The following TACC1 variants were observed in gnomAD, a reference collection of about 807,000 sequenced individuals.
The protein encoded by TACC1 is transforming acidic coiled-coil containing protein 1.
Under a neutral mutation model 84.4 loss-of-function variants are expected in TACC1, and 48 were observed. That is an observed-to-expected ratio of 0.57 (90% confidence interval 0.45 to 0.72). The LOEUF (loss-of-function observed/expected upper bound fraction) is 0.72. Among genes scored for constraint, TACC1 ranks in the 30% least tolerant of loss-of-function variants. The probability of loss-of-function intolerance (pLI) is 0.00; values close to 1 mark genes in which losing one functional copy is unlikely to be tolerated. For missense variants in TACC1, 920 were observed against 973.0 expected (o/e 0.95, Z 0.72); for synonymous variants, 372 against 376.3 (o/e 0.99, Z 0.13).
upstream of TACC1, chr8:38,787,227 G>C (rs1324084838): frequency 1.0e-6 from 1 of 1,002,340 alleles, no homozygotes. Context: ...CCCGCCGGCC[G>C]GGAGGCGGGA....
chr8:38,781,013 G>A (rs1815838158), intron 3 of TACC1, among the ~76,000 whole-genome samples: 1 of 152,106 alleles, frequency 6.6e-6, no homozygotes, highest in South Asian at 2.1e-4. Flanking sequence ...GAATTAAGTT[G>A]GAGTTGGTGT....
At position 38,787,335 on chromosome 8, in the gene TACC1, T is replaced by G; in HGVS notation, c.-248T>G. On this transcript the variant is annotated 5_prime_UTR_variant, in exon 1 of 13. Coordinates refer to ENST00000317827, the MANE Select transcript of TACC1 (RefSeq NM_006283.3). ...ACAGGACGGGCGTCTTCCCGGCTAG[T>G]GGAGCCCGGCGCGGGGCCCGCTGCG... 7.8e-7 allele frequency: 1 copy of G among 1,285,958 alleles called. No individual in the cohort carries two copies. Among genetic ancestry groups the G allele is most frequent in the East Asian group, 3.5e-5 (1 of 28,982 alleles). 79.7% of individuals were successfully genotyped at this position (1,285,958 alleles called of 1,614,324 possible).
At chr8:38,818,215 A>G (rs1217502542) in intron 2 of TACC1, among the ~76,000 whole-genome samples, 3 of 152,178 alleles carry the variant, frequency 2.0e-5, no homozygotes, top group Admixed American at 2.0e-4. Context: ...CAGCCTGGGT[A>G]ACAGAGACAC....
intron 3 of TACC1, among the ~76,000 whole-genome samples, chr8:38,779,927 T>C (rs1028896240): frequency 6.6e-6 from 1 of 152,252 alleles, no homozygotes; most frequent in South Asian, 2.1e-4. Context: ...TAAGCAGTTA[T>C]AATTGTTCAC....
At chr8:38,729,826 GC>G (rs1409143678) in intron 1 of TACC1, among the ~76,000 whole-genome samples, 1 of 152,084 alleles carries the variant, frequency 6.6e-6, no homozygotes, top group Non-Finnish European at 1.5e-5. Context: ...CTGAGATCAC[GC>G]CACTGCACTT....
At chr8:38,842,135 C>T in intron 9 of TACC1, 152 bp from the exon 10 acceptor site, 1 of 819,834 alleles carries the variant, frequency 1.2e-6, no homozygotes, top group Non-Finnish European at 1.9e-6. Flanking sequence ...TCACTTGTTA[C>T]CACGCGTCTC....
At chr8:38,745,387 A>G (rs1807871274) in exon 3 of TACC1, 2 of 620,920 alleles carry the variant, frequency 3.2e-6, no homozygotes, top group Non-Finnish European at 5.7e-6. Context: ...CAAGATTGAA[A>G]CCCAAATTAT....
At chr8:38,752,863 C>A (rs746325484) in intron 3 of TACC1, among the ~76,000 whole-genome samples, 12 of 152,064 alleles carry the variant, frequency 7.9e-5, no homozygotes, top group Non-Finnish European at 1.5e-4. Flanking sequence ...AAGGAAAACT[C>A]AGTTCTGTGA....
chr8:38,837,185 C>G (rs946667392), intron 7 of TACC1, among the ~76,000 whole-genome samples: 1 of 141,676 alleles, frequency 7.1e-6, no homozygotes, highest in South Asian at 2.2e-4. Flanking sequence ...GAGGCCAAGG[C>G]GGGCGGATCA....
chr8:38,848,019 A>T lies in TACC1; in HGVS notation c.2414A>T (p.Asp805Val), dbSNP rs1218903088. 6.8e-6 allele frequency: 11 copies of T among 1,613,572 alleles called. No individual in the cohort carries two copies. The highest frequency in any genetic ancestry group is 9.3e-6 in the Non-Finnish European group (11 of 1,179,680). Residue 805 changes from aspartate to valine, a missense_variant, in exon 13 of 13, where the codon GAC becomes GTC. Asp to Val is a radical substitution (Grantham distance 152). Transcript: ENST00000317827. ...CTGATTGCAAAGCTGGGAAAGACTG[A>T]CTGAGACACTCCCCCTGTTAGCTCA... ...DELIAKLGKT[D>V]
At chr8:38,844,628 A>G (rs1200738025) in intron 11 of TACC1, among the ~76,000 whole-genome samples, 5 of 152,180 alleles carry the variant, frequency 3.3e-5, no homozygotes, top group Admixed American at 6.5e-5. Context: ...TAGATTTTAT[A>G]TATTAGGGAC....
intron 3 of TACC1, among the ~76,000 whole-genome samples, chr8:38,746,208 G>C (rs1225757986): frequency 6.6e-6 from 1 of 152,166 alleles, no homozygotes; most frequent in East Asian, 1.9e-4. Flanking sequence ...AAAAAAGCTT[G>C]TTTTTGATTA....
intron 3 of TACC1, among the ~76,000 whole-genome samples, chr8:38,752,122 T>C (rs538962612): frequency 6.6e-6 from 1 of 152,278 alleles, no homozygotes; most frequent in East Asian, 1.9e-4. Flanking sequence ...TTATAGGCAA[T>C]CTTGAGTTTC....
Position 38,852,217 on chromosome 8 carries a change from C to T in TACC1, c.*4194C>T. The T allele has an allele frequency of 3.6e-6, 1 of 281,518 alleles. No individual in the cohort carries two copies. The highest frequency in any genetic ancestry group is 3.4e-5 in the South Asian group (1 of 29,452). The allele number at this position is 281,518 out of a possible 1,614,324, so 17.4% of individuals were successfully genotyped here. The stretch of plus-strand genomic sequence containing the variant: ...CAGTTAGATTTGGACAAACAAGATT[C>T]CTAAGGAATGACTTTATTAACTATA... On this transcript the variant is annotated 3_prime_UTR_variant, in exon 13 of 13. Coordinates refer to ENST00000317827, the MANE Select transcript of TACC1 (RefSeq NM_006283.3).
chr8:38,729,635 G>A (rs1279786634), intron 1 of TACC1, among the ~76,000 whole-genome samples: 2 of 152,164 alleles, frequency 1.3e-5, no homozygotes, highest in Non-Finnish European at 1.5e-5. Context: ...TTGGAAGGCC[G>A]AGGCGGGCAG....
At chr8:38,771,248 G>A (rs1813544410) in intron 3 of TACC1, among the ~76,000 whole-genome samples, 1 of 152,158 alleles carries the variant, frequency 6.6e-6, no homozygotes, top group African/African-American at 2.4e-5. Flanking sequence ...GTTGGGGATG[G>A]AGCCAGGATC....
chr8:38,841,577 T>C (rs1210294975), intron 9 of TACC1, among the ~76,000 whole-genome samples: 1 of 152,178 alleles, frequency 6.6e-6, no homozygotes, highest in African/African-American at 2.4e-5. Context: ...AAATAAATTT[T>C]AGCAAGTAGG....
chr8:38,755,159 C>CAAAA (rs35992046), intron 3 of TACC1, among the ~76,000 whole-genome samples: 56 of 72,290 alleles, frequency 7.7e-4, no homozygotes, highest in African/African-American at 2.4e-3. Context: ...GACTCCATCT[C>CAAAA]AAAAAAAAAA....
intron 3 of TACC1, among the ~76,000 whole-genome samples, chr8:38,748,535 C>A (rs916649653): frequency 1.3e-5 from 2 of 151,986 alleles, no homozygotes; most frequent in Non-Finnish European, 2.9e-5. Context: ...CCAAGATAGA[C>A]CACATTCTGG....
Sources: allele counts gnomAD v4.1 joint callset (sites outside exome capture counted in the v4.1 genomes callset), GRCh38; gene constraint gnomAD v4.1.1; transcripts MANE v1.5; gene names NCBI Gene and HGNC (gene_info 2026-07-23, HGNC 2026-07-21).